CNTNAP2: variants seen among roughly 807,000 people sequenced by gnomAD.
CNTNAP2 encodes contactin associated protein 2, also known as contactin-associated protein-like 2.
In CNTNAP2, 98 loss-of-function variants were observed where a neutral mutation model predicts 155.2. The ratio of observed to expected loss-of-function variants is 0.63; its 90% CI spans 0.54 to 0.75. The LOEUF (loss-of-function observed/expected upper bound fraction) is 0.75. CNTNAP2 is among the 30% of genes least tolerant of loss of function. CNTNAP2 has a pLI of 0.00. For missense variants in CNTNAP2, 1,727 were observed against 1,688.1 expected (o/e 1.02, Z -0.40); for synonymous variants, 651 against 631.2 (o/e 1.03, Z -0.47).
chr7:147,388,591 T>A (rs1346349478), intron 9 of CNTNAP2, among the ~76,000 whole-genome samples: 1 of 152,146 alleles, frequency 6.6e-6, no homozygotes, highest in African/African-American at 2.4e-5. Flanking sequence ...TTTTTTCTTT[T>A]CTTTTTTGAG....
At chr7:147,198,258 C>T (rs1233537604) in intron 8 of CNTNAP2, among the ~76,000 whole-genome samples, 3 of 41,886 alleles carry the variant, frequency 7.2e-5, no homozygotes, top group South Asian at 1.2e-3. Context: ...TTTTTTGAGA[C>T]GAAGTCTCGT....
In CNTNAP2 at chr7:147,854,106, A is replaced by G. The variant is rs183421768; in HGVS notation, c.2099-49459A>G. Among the ~76,000 whole-genome samples the G allele has an allele frequency of 9.2e-5, 14 of 152,306 alleles. No individual in the cohort carries two copies. The East Asian group carries it at 2.7e-3, about 29-fold the overall frequency. On this transcript the variant is annotated intron_variant, in intron 13 of 23. Transcript: ENST00000361727. ...GCTGACAGCTTGTGTGCCTACCTCCACATCAATTCGGCCATTATACCAGCT... is the reference window on the plus strand; with the variant it reads ...GCTGACAGCTTGTGTGCCTACCTCCGCATCAATTCGGCCATTATACCAGCT...
intron 13 of CNTNAP2, among the ~76,000 whole-genome samples, chr7:147,722,822 T>C (rs573968657): frequency 7.1e-4 from 108 of 152,210 alleles, no homozygotes; most frequent in African/African-American, 2.5e-3. Flanking sequence ...TTCATCTCTC[T>C]GGGTATCAGT....
At chr7:147,661,411 A>G (rs1431814251) in intron 13 of CNTNAP2, among the ~76,000 whole-genome samples, 1 of 152,122 alleles carries the variant, frequency 6.6e-6, no homozygotes, top group Non-Finnish European at 1.5e-5. Flanking sequence ...TGTCTAACGA[A>G]CCTTCACTGA....
chr7:148,221,473 G>C (rs1795746806), intron 19 of CNTNAP2, among the ~76,000 whole-genome samples: 1 of 152,142 alleles, frequency 6.6e-6, no homozygotes, highest in African/African-American at 2.4e-5. Context: ...GTTCTTGGAA[G>C]GCAAAGCTGG....
intron 13 of CNTNAP2, among the ~76,000 whole-genome samples, chr7:147,756,544 T>C (rs936954203): frequency 3.3e-5 from 5 of 152,284 alleles, no homozygotes; most frequent in Admixed American, 2.6e-4. Flanking sequence ...AAGTTAATCA[T>C]GGTCTAAGGA....
chr7:148,257,717 C>T (rs964186080), intron 20 of CNTNAP2, among the ~76,000 whole-genome samples: 2 of 152,168 alleles, frequency 1.3e-5, no homozygotes, highest in African/African-American at 4.8e-5. Context: ...GCAAGTGTCT[C>T]TTGCATGAAA....
intron 1 of CNTNAP2, among the ~76,000 whole-genome samples, chr7:146,512,440 C>T (rs1053330627): frequency 6.6e-6 from 1 of 150,702 alleles, no homozygotes; most frequent in East Asian, 1.9e-4. Context: ...TAAATTTTCC[C>T]TTTAGTACTG....
intron 9 of CNTNAP2, among the ~76,000 whole-genome samples, chr7:147,330,390 C>T (rs1364354461): frequency 6.6e-6 from 1 of 152,020 alleles, no homozygotes; most frequent in African/African-American, 2.4e-5. Context: ...CCACTAGATA[C>T]AAATAAAGTA....
At chr7:147,218,491 T>C (rs1803323557) in intron 8 of CNTNAP2, among the ~76,000 whole-genome samples, 1 of 152,068 alleles carries the variant, frequency 6.6e-6, no homozygotes, top group Non-Finnish European at 1.5e-5. Flanking sequence ...AATTTCCCAC[T>C]TTATCCATGT....
At chr7:147,631,478 A>T (rs1795084027) in intron 12 of CNTNAP2, among the ~76,000 whole-genome samples, 1 of 152,146 alleles carries the variant, frequency 6.6e-6, no homozygotes, top group Non-Finnish European at 1.5e-5. Flanking sequence ...TATAAAAAAC[A>T]ATCCTAAAGT....
In CNTNAP2 at chr7:146,369,755, G is replaced by T. The variant is rs529855081; in HGVS notation, c.97+252782G>T. 7.2e-5 allele frequency among the ~76,000 whole-genome samples: 11 copies of T among 152,028 alleles called. No homozygotes were observed. In the East Asian group the frequency reaches 1.9e-3, roughly 27 times the overall value. ...TATTGGCTGTTGGTTATTTTTTACT[G>T]ATTTTTGATGCCCCTATCTTGTTAA... On this transcript the variant is annotated intron_variant, in intron 1 of 23. Transcript: ENST00000361727.
intron 15 of CNTNAP2, among the ~76,000 whole-genome samples, chr7:147,988,944 A>T (rs1801666344): frequency 6.6e-6 from 1 of 152,196 alleles, no homozygotes; most frequent in African/African-American, 2.4e-5. Context: ...AAGAGACTTT[A>T]TTGAGAAAAA....
chr7:147,719,871 A>T (rs1796538756), intron 13 of CNTNAP2, among the ~76,000 whole-genome samples: 1 of 151,930 alleles, frequency 6.6e-6, no homozygotes, highest in Admixed American at 6.6e-5. Context: ...ACAAGGTTTT[A>T]TTTTCCATGT....
chr7:147,170,690 G>A (rs34416959), intron 8 of CNTNAP2, among the ~76,000 whole-genome samples: 2,967 of 152,252 alleles, frequency 0.019, 34 homozygotes, highest in Non-Finnish European at 0.032. Context: ...TCCCTCCTCT[G>A]GACTGGGTTG....
At chr7:147,147,293 G>GA (rs1379595633) in intron 8 of CNTNAP2, among the ~76,000 whole-genome samples, 2 of 152,104 alleles carry the variant, frequency 1.3e-5, no homozygotes, top group African/African-American at 4.8e-5. Context: ...AGACACTTGG[G>GA]AATTATAGGG....
chr7:146,212,248 A>G (rs1041707135), intron 1 of CNTNAP2, among the ~76,000 whole-genome samples: 3 of 152,172 alleles, frequency 2.0e-5, no homozygotes, highest in Non-Finnish European at 4.4e-5. Flanking sequence ...GAAGTACATT[A>G]TTTTGAAGCC....
chr7:146,273,555 A>G (rs923155700), intron 1 of CNTNAP2, among the ~76,000 whole-genome samples: 6 of 152,180 alleles, frequency 3.9e-5, no homozygotes, highest in African/African-American at 1.4e-4. Flanking sequence ...ACAAAAATAG[A>G]TGACGGGCCA....
intron 9 of CNTNAP2, among the ~76,000 whole-genome samples, chr7:147,331,158 G>A (rs916031532): frequency 2.6e-5 from 4 of 152,060 alleles, no homozygotes; most frequent in African/African-American, 7.2e-5. Flanking sequence ...TAAGGCAATG[G>A]CAGTGATCAT....
Sources: allele counts gnomAD v4.1 joint callset (sites outside exome capture counted in the v4.1 genomes callset), GRCh38; gene constraint gnomAD v4.1.1; transcripts MANE v1.5; gene names NCBI Gene and HGNC (gene_info 2026-07-23, HGNC 2026-07-21).